Variants in TTC8 observed in about 807,000 individuals in gnomAD.
TTC8 encodes tetratricopeptide repeat domain 8, also known as tetratricopeptide repeat protein 8.
TTC8 carries 47 observed loss-of-function variants against 72.5 expected under a neutral mutation model. The observed-to-expected ratio is 0.65, with a 90% CI of 0.51 to 0.83. TTC8 has a LOEUF of 0.83. Ranked by LOEUF, TTC8 falls within the 40% of genes least tolerant of loss-of-function variation. The pLI is 0.00. For missense variants in TTC8, 611 were observed against 623.2 expected, an observed-to-expected ratio of 0.98 and a Z score of 0.21; for synonymous variants, 199 against 221.4, an observed-to-expected ratio of 0.90 and a Z score of 0.90.
In TTC8 at chr14:88,869,955, C is replaced by T. The variant is rs188403479; in HGVS notation, c.910-104C>T. On this transcript the variant is annotated intron_variant, in intron 10 of 14. Transcript: ENST00000380656. The stretch of plus-strand genomic sequence containing the variant: ...AATGGAGTCTGGCACATGGTAGCCT[C>T]TCAATAAATACTTATTGAATGAATG... 2.8e-3 allele frequency: 3,293 copies of T among 1,180,004 alleles called. 11 individuals carry two copies. Among genetic ancestry groups the T allele is most frequent in the Non-Finnish European group, 3.6e-3 (2,938 of 814,404 alleles). The allele number at this position is 1,180,004 out of a possible 1,614,324, so 73.1% of individuals were successfully genotyped here.
At chr14:88,838,396 T>C (rs1306093668) in intron 2 of TTC8, among the ~76,000 whole-genome samples, 1 of 152,172 alleles carries the variant, frequency 6.6e-6, no homozygotes, top group African/African-American at 2.4e-5. Flanking sequence ...GTGGGGACTT[T>C]CTGGACCTCC....
intron 3 of TTC8, chr14:88,840,218 T>G (rs1035908953): frequency 6.4e-6 from 1 of 156,448 alleles, no homozygotes; most frequent in African/African-American, 2.4e-5. Context: ...ATTACAGATT[T>G]CTTTGTTCCT....
intron 2 of TTC8, among the ~76,000 whole-genome samples, chr14:88,834,766 T>A (rs2094742579): frequency 6.6e-6 from 1 of 152,170 alleles, no homozygotes; most frequent in Non-Finnish European, 1.5e-5. Context: ...ACTGTGGATT[T>A]TGTTCTCAGG....
chr14:88,862,636 G>T (rs78585859), intron 10 of TTC8, among the ~76,000 whole-genome samples: 10,665 of 117,690 alleles, frequency 0.091, 1,445 homozygotes, highest in African/African-American at 0.28. Flanking sequence ...AGGCTGGATC[G>T]CAGTGACGTA....
At position 88,877,317 on chromosome 14, in the gene TTC8, T is replaced by TC. The variant is rs2094961185; in HGVS notation, c.1455_1456insC (p.Val486ArgfsTer7). On this transcript the variant is annotated frameshift_variant, in exon 15 of 15. Coordinates refer to ENST00000380656, the MANE Select transcript of TTC8 (RefSeq NM_144596.4). LOFTEE classifies it high-confidence loss of function. Reference sequence around the variant, plus strand: ...AGATTGGAGATCTGCAGAGAAGCTATGTTGCTGCGCAGAAGTCTGAAGCAG... The same window carrying TC: ...AGATTGGAGATCTGCAGAGAAGCTATCGTTGCTGCGCAGAAGTCTGAAGCAG... 1 of 1,613,632 alleles carries TC rather than the reference T, an allele frequency of 6.2e-7. No individual in the cohort carries two copies. The highest frequency in any genetic ancestry group is 1.1e-5 in the South Asian group (1 of 91,066).
Position 88,877,511 on chromosome 14 carries a change from T to G in TTC8, c.*101T>G, listed in dbSNP as rs751229344. 10 of 957,218 alleles carry G rather than the reference T, an allele frequency of 1.0e-5. No homozygotes were observed. The highest frequency in any genetic ancestry group is 1.5e-5 in the Non-Finnish European group (9 of 588,406). 59.3% of individuals were successfully genotyped at this position (957,218 alleles called of 1,614,324 possible). Reference sequence around the variant, plus strand: ...TGTATATAGTGTAATACGTATATTTTAACAAACCTGTCCTTGATATTAGTT... The same window carrying G: ...TGTATATAGTGTAATACGTATATTTGAACAAACCTGTCCTTGATATTAGTT... On this transcript the variant is annotated 3_prime_UTR_variant, in exon 15 of 15. Transcript: ENST00000380656.
At chr14:88,834,273 G>A (rs1400185869) in intron 2 of TTC8, among the ~76,000 whole-genome samples, 1 of 152,120 alleles carries the variant, frequency 6.6e-6, no homozygotes, top group Non-Finnish European at 1.5e-5. Flanking sequence ...CTTGCTAACT[G>A]GATAAAACAC....
At chr14:88,862,920 C>A (rs2094894822) in intron 10 of TTC8, among the ~76,000 whole-genome samples, 1 of 151,752 alleles carries the variant, frequency 6.6e-6, no homozygotes, top group Non-Finnish European at 1.5e-5. Context: ...TTCATGATAT[C>A]AGGTTGGGCA....
At chr14:88,846,752 T>C in intron 7 of TTC8, 1 of 830,164 alleles carries the variant, frequency 1.2e-6, no homozygotes, top group Non-Finnish European at 1.8e-6. Flanking sequence ...TTTTTACATA[T>C]TATGTTAGTA....
At position 88,870,056 on chromosome 14, in the gene TTC8, T is replaced by C; in HGVS notation, c.910-3T>C. ...ATTGCTCTTCTCTCTTGATGGAGAA[T>C]AGGAAATGAACAATATGTCATCAGC... On this transcript the variant is annotated splice_region_variant and splice_polypyrimidine_tract_variant and intron_variant, in intron 10 of 14. Coordinates refer to ENST00000380656, the MANE Select transcript of TTC8 (RefSeq NM_144596.4). The C allele has an allele frequency of 1.2e-6, 2 of 1,613,810 alleles. No individual in the cohort carries two copies. Among genetic ancestry groups the C allele is most frequent in the Non-Finnish European group, 1.7e-6 (2 of 1,179,852 alleles).
intron 8 of TTC8, among the ~76,000 whole-genome samples, chr14:88,856,336 A>G (rs2094855979): frequency 6.6e-6 from 1 of 152,186 alleles, no homozygotes; most frequent in Admixed American, 6.5e-5. Context: ...AAAAATGATC[A>G]AAGGTCTTCT....
chr14:88,855,304 C>G (rs866459222), intron 8 of TTC8, among the ~76,000 whole-genome samples: 20 of 152,262 alleles, frequency 1.3e-4, no homozygotes, highest in Non-Finnish European at 2.1e-4. Flanking sequence ...CTTACCATCA[C>G]GAAATAAGCA....
intron 14 of TTC8, among the ~76,000 whole-genome samples, chr14:88,877,019 A>G (rs1488745312): frequency 6.6e-6 from 1 of 152,190 alleles, no homozygotes; most frequent in African/African-American, 2.4e-5. Flanking sequence ...CCAGACAGCT[A>G]GAAATTATTT....
chr14:88,874,540 C>T (rs2094948848), intron 13 of TTC8, among the ~76,000 whole-genome samples: 2 of 152,114 alleles, frequency 1.3e-5, no homozygotes, highest in Admixed American at 1.3e-4. Flanking sequence ...TAAATACTTG[C>T]TCACTGTCAT....
At chr14:88,859,891 TA>T (rs2094877299) in intron 9 of TTC8, among the ~76,000 whole-genome samples, 1 of 118,738 alleles carries the variant, frequency 8.4e-6, no homozygotes, top group South Asian at 3.5e-4. Context: ...TATTATATAA[TA>T]TATAATATAA....
chr14:88,854,853 A>G (rs2094849079), intron 8 of TTC8, among the ~76,000 whole-genome samples: 1 of 151,874 alleles, frequency 6.6e-6, no homozygotes, highest in South Asian at 2.1e-4. Flanking sequence ...CTAATTTTTT[A>G]AAGCTTTCTT....
intron 10 of TTC8, among the ~76,000 whole-genome samples, chr14:88,862,775 T>A (rs1367848303): frequency 2.7e-5 from 4 of 149,518 alleles, no homozygotes; most frequent in African/African-American, 9.8e-5. Flanking sequence ...AGAAATGGGA[T>A]CTTACTTTGT....
rs573225452 is a variant in TTC8 at position 88,842,858 on chromosome 14, T to G, written c.580-948T>G. On this transcript the variant is annotated intron_variant, in intron 6 of 14. Transcript: ENST00000380656. ...GACTCTATGACACTGTCTTTGATGCTGTAACGTCATTTTCATGGCAGTAGT... is the reference window on the plus strand; with the variant it reads ...GACTCTATGACACTGTCTTTGATGCGGTAACGTCATTTTCATGGCAGTAGT... Among the ~76,000 whole-genome samples the G allele has an allele frequency of 2.1e-3, 326 of 152,328 alleles. 1 individual carries two copies. The highest frequency in any genetic ancestry group is 7.5e-3 in the African/African-American group (312 of 41,578).
intron 14 of TTC8, among the ~76,000 whole-genome samples, chr14:88,876,779 C>T (rs900924731): frequency 1.3e-5 from 2 of 152,146 alleles, no homozygotes; most frequent in Non-Finnish European, 2.9e-5. Flanking sequence ...CTTAAAACCT[C>T]TCAAAACATG....
Sources: allele counts gnomAD v4.1 joint callset (sites outside exome capture counted in the v4.1 genomes callset), GRCh38; gene constraint gnomAD v4.1.1; transcripts MANE v1.5; gene names NCBI Gene and HGNC (gene_info 2026-07-23, HGNC 2026-07-21).